SUGCT: variants seen among roughly 807,000 people sequenced by gnomAD.
SUGCT encodes succinyl-CoA:glutarate-CoA transferase, also known as succinyl-CoA:glutarate CoA-transferase.
A neutral mutation model predicts 55.0 loss-of-function variants in SUGCT; 41 were observed. The observed-to-expected ratio is 0.74, with a 90% CI of 0.58 to 0.97. SUGCT has a LOEUF of 0.97. SUGCT is among the 50% of genes least tolerant of loss of function. SUGCT has a pLI of 0.00. For missense variants in SUGCT, 568 were observed against 547.8 expected, an observed-to-expected ratio of 1.04 and a Z score of -0.37; for synonymous variants, 187 against 200.4, an observed-to-expected ratio of 0.93 and a Z score of 0.56.
intron 13 of SUGCT, among the ~76,000 whole-genome samples, chr7:40,814,244 C>T (rs1229206255): frequency 6.6e-6 from 1 of 152,060 alleles, no homozygotes; most frequent in Non-Finnish European, 1.5e-5. Flanking sequence ...ATGTGTACCT[C>T]TCTAGCAAGA....
intron 12 of SUGCT, among the ~76,000 whole-genome samples, chr7:40,625,682 G>A (rs1409830792): frequency 6.6e-6 from 1 of 152,110 alleles, no homozygotes; most frequent in Non-Finnish European, 1.5e-5. Flanking sequence ...AAACTGTGGT[G>A]CAAACTATTA....
intron 12 of SUGCT, among the ~76,000 whole-genome samples, chr7:40,691,357 T>C (rs931924847): frequency 6.6e-5 from 10 of 152,212 alleles, no homozygotes; most frequent in African/African-American, 2.4e-4. Flanking sequence ...GAACTTTTTC[T>C]CCTCACAGCT....
the SUGCT span, among the ~76,000 whole-genome samples, chr7:40,973,979 T>C: frequency 1.7e-4 from 26 of 152,334 alleles, no homozygotes; most frequent in South Asian, 5.2e-3. Flanking sequence ...ATAGTGATTG[T>C]TCATAGTTAG....
chr7:40,342,013 T>C (rs540338021), intron 9 of SUGCT, among the ~76,000 whole-genome samples: 2 of 152,224 alleles, frequency 1.3e-5, no homozygotes, highest in Non-Finnish European at 2.9e-5. Flanking sequence ...GCACATGTGG[T>C]GCAGTGGTAC....
intron 11 of SUGCT, among the ~76,000 whole-genome samples, chr7:40,485,417 C>CTTTTTTTTTTTTTTTTTTT (rs397889166): frequency 1.3e-5 from 1 of 74,418 alleles, no homozygotes; most frequent in Non-Finnish European, 2.4e-5. Flanking sequence ...TATATACATT[C>CTTTTTTTTTTTTTTTTTTT]TTTTTTTTTT....
intron 12 of SUGCT, among the ~76,000 whole-genome samples, chr7:40,629,509 T>C (rs931407449): frequency 2.8e-5 from 4 of 144,394 alleles, no homozygotes; most frequent in Non-Finnish European, 3.1e-5. Context: ...TCTCAAATAA[T>C]CCTATGTGGC....
At chr7:40,754,813 G>A (rs1208019667) in intron 13 of SUGCT, among the ~76,000 whole-genome samples, 1 of 151,956 alleles carries the variant, frequency 6.6e-6, no homozygotes, top group African/African-American at 2.4e-5. Flanking sequence ...ATTACTTCAG[G>A]TATCTTTGAT....
chr7:40,717,908 T>C (rs1786109058), intron 12 of SUGCT, among the ~76,000 whole-genome samples: 1 of 148,324 alleles, frequency 6.7e-6, no homozygotes, highest in Non-Finnish European at 1.5e-5. Context: ...TGGTACATAA[T>C]GAGAAGTATA....
the SUGCT span, among the ~76,000 whole-genome samples, chr7:40,899,041 A>G: frequency 2.0e-5 from 3 of 152,078 alleles, no homozygotes; most frequent in African/African-American, 7.2e-5. Flanking sequence ...TTCTTCCCCA[A>G]CTGTGGCCTC....
intron 1 of SUGCT, among the ~76,000 whole-genome samples, chr7:40,172,409 A>G (rs1172486604): frequency 6.6e-6 from 1 of 152,190 alleles, no homozygotes; most frequent in Non-Finnish European, 1.5e-5. Context: ...CCCTGGGTTC[A>G]TAGCCTAGAT....
intron 8 of SUGCT, among the ~76,000 whole-genome samples, chr7:40,278,840 T>A (rs111679342): frequency 2.4e-5 from 1 of 41,890 alleles, no homozygotes; most frequent in Non-Finnish European, 4.8e-5. Flanking sequence ...TTTTTTTTTT[T>A]TAAAGAGATA....
chr7:40,309,112 G>A (rs1795000939), intron 8 of SUGCT, among the ~76,000 whole-genome samples: 1 of 152,154 alleles, frequency 6.6e-6, no homozygotes, highest in Admixed American at 6.5e-5. Context: ...GTTTAAAAGA[G>A]CACTCTCTGT....
chr7:40,482,838 A>G (rs1404277844), intron 11 of SUGCT, among the ~76,000 whole-genome samples: 3 of 152,208 alleles, frequency 2.0e-5, no homozygotes, highest in Admixed American at 6.5e-5. Context: ...ATTAACCCAC[A>G]TAACTGTTGT....
chr7:40,703,344 G>C (rs1304505990), intron 12 of SUGCT, among the ~76,000 whole-genome samples: 4 of 152,100 alleles, frequency 2.6e-5, no homozygotes, highest in Non-Finnish European at 5.9e-5. Flanking sequence ...ATTGACCATG[G>C]TTCTTTTGAA....
At chr7:41,010,902 T>G in the SUGCT span, among the ~76,000 whole-genome samples, 1 of 152,198 alleles carries the variant, frequency 6.6e-6, no homozygotes, top group Non-Finnish European at 1.5e-5. Flanking sequence ...CCAAATATGG[T>G]CTTGATGACT....
intron 12 of SUGCT, among the ~76,000 whole-genome samples, chr7:40,542,105 G>A (rs542630470): frequency 1.3e-5 from 2 of 152,328 alleles, no homozygotes; most frequent in East Asian, 1.9e-4. Context: ...TTGGAGCAGA[G>A]GGTATGTGTG....
rs534688532 is a variant in SUGCT, at chr7:40,848,340, T to C, written c.1154-11976T>C. Among the ~76,000 whole-genome samples the C allele has an allele frequency of 4.2e-4, 64 of 152,254 alleles. 1 individual carries two copies. The highest frequency in any genetic ancestry group is 1.4e-3 in the African/African-American group (59 of 41,546). On this transcript the variant is annotated intron_variant, in intron 13 of 13. Transcript: ENST00000335693. ...TACCTGGCCCTCTTCCTACATGCTTTCTCTCCCCCTTAAGGAAATGTATAT... is the reference window on the plus strand; with the variant it reads ...TACCTGGCCCTCTTCCTACATGCTTCCTCTCCCCCTTAAGGAAATGTATAT...
chr7:40,362,602 A>G (rs1038868483), intron 9 of SUGCT, among the ~76,000 whole-genome samples: 6 of 152,196 alleles, frequency 3.9e-5, no homozygotes, highest in African/African-American at 9.7e-5. Flanking sequence ...ACAGTACTAT[A>G]TAGCTGTAAG....
chr7:40,237,194 A>T (rs1046388260), intron 6 of SUGCT, among the ~76,000 whole-genome samples: 4 of 151,270 alleles, frequency 2.6e-5, no homozygotes, highest in African/African-American at 7.3e-5. Context: ...CTGTAATCCT[A>T]GCATTTTGGG....
Sources: gnomAD v4.1 joint callset for allele counts (sites outside exome capture counted in the v4.1 genomes callset) on GRCh38, gnomAD v4.1.1 for gene constraint, MANE v1.5 for transcripts, NCBI Gene and HGNC (gene_info 2026-07-23, HGNC 2026-07-21) for gene names.